Variants in ANKIB1 observed in about 807,000 individuals in gnomAD.
ANKIB1 encodes ankyrin repeat and IBR domain containing 1.
Under a neutral mutation model 122.1 loss-of-function variants are expected in ANKIB1, and 43 were observed. The ratio of observed to expected loss-of-function variants is 0.35; its 90% CI spans 0.28 to 0.45. The LOEUF (loss-of-function observed/expected upper bound fraction) is 0.45, where lower values mean the gene tolerates loss of function less well. ANKIB1 is among the 20% of genes least tolerant of loss of function. The pLI is 1.00. For missense variants in ANKIB1, 992 were observed against 1,329.5 expected (o/e 0.75, Z 3.95); for synonymous variants, 390 against 442.0 (o/e 0.88, Z 1.48).
intron 1 of ANKIB1, among the ~76,000 whole-genome samples, chr7:92,261,795 C>T (rs1387507809): frequency 1.3e-5 from 2 of 152,146 alleles, no homozygotes; most frequent in Non-Finnish European, 2.9e-5. Flanking sequence ...TATGTGCTTG[C>T]TATGGAAGTC....
intron 10 of ANKIB1, among the ~76,000 whole-genome samples, chr7:92,364,310 TAAAAAAAAAAAAA>T (rs762884822): frequency 1.6e-3 from 55 of 33,528 alleles, no homozygotes; most frequent in East Asian, 3.2e-3. Context: ...AGACTCCATC[TAAAAAAAAAAAAA>T]AAAAAAAAAA....
At chr7:92,265,598 G>A (rs538698325) in intron 1 of ANKIB1, among the ~76,000 whole-genome samples, 1 of 152,238 alleles carries the variant, frequency 6.6e-6, no homozygotes, top group South Asian at 2.1e-4. Context: ...GTGATGAGAG[G>A]GCAAAAGTAG....
intron 1 of ANKIB1, among the ~76,000 whole-genome samples, chr7:92,280,614 T>C (rs1585085874): frequency 6.6e-6 from 1 of 152,280 alleles, no homozygotes; most frequent in East Asian, 1.9e-4. Context: ...TTTCTCCTCC[T>C]ATCTCAGGAA....
chr7:92,331,270 T>C (rs1803167316), intron 5 of ANKIB1, among the ~76,000 whole-genome samples: 2 of 141,498 alleles, frequency 1.4e-5, no homozygotes, highest in Admixed American at 1.4e-4. Context: ...CATCACTTCT[T>C]TTTTTTTTTT....
intron 10 of ANKIB1, among the ~76,000 whole-genome samples, chr7:92,368,484 A>G (rs921752608): frequency 1.4e-4 from 22 of 152,030 alleles, no homozygotes; most frequent in African/African-American, 2.4e-4. Context: ...GGAGAGGCCA[A>G]CGCAGGCAGA....
At chr7:92,328,968 C>T (rs1185503307) in intron 5 of ANKIB1, among the ~76,000 whole-genome samples, 2 of 147,258 alleles carry the variant, frequency 1.4e-5, no homozygotes, top group Non-Finnish European at 3.0e-5. Context: ...CACACAAACA[C>T]ACTTTTTTTT....
At chr7:92,311,453 G>A (rs377173067) in intron 3 of ANKIB1, among the ~76,000 whole-genome samples, 36 of 152,176 alleles carry the variant, frequency 2.4e-4, no homozygotes, top group African/African-American at 8.7e-4. Flanking sequence ...TTAGTGTCTA[G>A]CCTTTAAGAT....
intron 1 of ANKIB1, among the ~76,000 whole-genome samples, chr7:92,288,725 A>G (rs958400339): frequency 6.6e-6 from 1 of 152,186 alleles, no homozygotes; most frequent in South Asian, 2.1e-4. Context: ...ACACTTCACA[A>G]ATCAAGATGT....
intron 8 of ANKIB1, 30 bp from the exon 9 acceptor site, chr7:92,352,446 T>C: frequency 6.2e-7 from 1 of 1,608,174 alleles, no homozygotes; most frequent in Non-Finnish European, 8.5e-7. Flanking sequence ...AAATATTTTC[T>C]TTTGTGTTTT....
At chr7:92,304,610 A>G (rs1802520805) in intron 2 of ANKIB1, among the ~76,000 whole-genome samples, 1 of 152,176 alleles carries the variant, frequency 6.6e-6, no homozygotes, top group African/African-American at 2.4e-5. Context: ...TGTACAGGGT[A>G]TTTACAGAAT....
At chr7:92,333,261 A>AT (rs1464974166) in intron 5 of ANKIB1, among the ~76,000 whole-genome samples, 1 of 152,112 alleles carries the variant, frequency 6.6e-6, no homozygotes, top group Non-Finnish European at 1.5e-5. Context: ...GGAAGTGTTT[A>AT]TTTTTTTAAA....
intron 1 of ANKIB1, among the ~76,000 whole-genome samples, chr7:92,294,041 C>T (rs796884765): frequency 1.8e-4 from 28 of 152,256 alleles, no homozygotes; most frequent in African/African-American, 6.3e-4. Context: ...GGATGAATAA[C>T]TTGCTTAAAA....
chr7:92,392,952 T>C (rs1338832051), intron 17 of ANKIB1, among the ~76,000 whole-genome samples: 3 of 152,088 alleles, frequency 2.0e-5, no homozygotes, highest in Admixed American at 6.5e-5. Flanking sequence ...AAATTGCCAC[T>C]GTCACTGTTG....
chr7:92,344,628 A>G (rs566021423), intron 6 of ANKIB1, among the ~76,000 whole-genome samples: 19 of 152,308 alleles, frequency 1.2e-4, no homozygotes, highest in African/African-American at 3.1e-4. Flanking sequence ...TGTGAAGGGC[A>G]TGATACTGAA....
Position 92,296,248 on chromosome 7 carries a change from T to G in ANKIB1, c.188+1082T>G, listed in dbSNP as rs957988552. On this transcript the variant is annotated intron_variant, in intron 2 of 19. Transcript: ENST00000265742. ...TAATTTTTTTTTTTAATAGAAACGG[T>G]GTCTTGCTCTGTCACTCAGGCTGGA... 2.6e-5 allele frequency among the ~76,000 whole-genome samples: 4 copies of G among 151,838 alleles called. No individual in the cohort carries two copies. The South Asian group carries it at 8.3e-4, about 32-fold the overall frequency.
At chr7:92,332,879 G>C (rs1191087401) in intron 5 of ANKIB1, among the ~76,000 whole-genome samples, 1 of 152,116 alleles carries the variant, frequency 6.6e-6, no homozygotes, top group Non-Finnish European at 1.5e-5. Context: ...AATCCTTCCA[G>C]TCTATCTCAA....
intron 5 of ANKIB1, among the ~76,000 whole-genome samples, chr7:92,333,101 T>A (rs1682777209): frequency 6.6e-6 from 1 of 152,134 alleles, no homozygotes; most frequent in African/African-American, 2.4e-5. Flanking sequence ...ACTTCTCCCT[T>A]TTTCTTCATT....
In ANKIB1 at chr7:92,389,955, C is replaced by T. The variant is rs1212994333; in HGVS notation, c.1907-16C>T. Reference sequence around the variant, plus strand: ...ATTTGCAAAAACAAATTCACTGTGCCTCAATTACTTTTTAGCTGAAGGAGG... The same window carrying T: ...ATTTGCAAAAACAAATTCACTGTGCTTCAATTACTTTTTAGCTGAAGGAGG... On this transcript the variant is annotated splice_polypyrimidine_tract_variant and intron_variant, in intron 14 of 19. Coordinates refer to ENST00000265742, the MANE Select transcript of ANKIB1 (RefSeq NM_019004.2). 1 of 1,572,196 alleles carries T rather than the reference C, an allele frequency of 6.4e-7. No homozygotes were observed. Among genetic ancestry groups the T allele is most frequent in the South Asian group, 1.2e-5 (1 of 80,294 alleles).
intron 2 of ANKIB1, among the ~76,000 whole-genome samples, chr7:92,307,084 C>T (rs113893401): frequency 1.8e-4 from 27 of 152,264 alleles, no homozygotes; most frequent in African/African-American, 6.0e-4. Context: ...TTCTCATCTT[C>T]CTTTTTTCTT....
Sources: allele counts gnomAD v4.1 joint callset (sites outside exome capture counted in the v4.1 genomes callset), GRCh38; gene constraint gnomAD v4.1.1; transcripts MANE v1.5; gene names NCBI Gene and HGNC (gene_info 2026-07-23, HGNC 2026-07-21).